The following INPP4A variants were observed in gnomAD, a reference collection of about 807,000 sequenced individuals.
The protein encoded by INPP4A is inositol polyphosphate-4-phosphatase type I A.
INPP4A carries 33 observed loss-of-function variants against 119.8 expected under a neutral mutation model. That is an observed-to-expected ratio of 0.28 (90% CI 0.21 to 0.37). The LOEUF (loss-of-function observed/expected upper bound fraction) is 0.37. Ranked by LOEUF, INPP4A falls within the 10% of genes least tolerant of loss-of-function variation. INPP4A has a pLI of 1.00. For synonymous variants in INPP4A, 496 were observed against 500.7 expected, an observed-to-expected ratio of 0.99 and a Z score of 0.12; for missense variants, 956 against 1,289.9, an observed-to-expected ratio of 0.74 and a Z score of 3.97.
intron 1 of INPP4A, among the ~76,000 whole-genome samples, chr2:98,500,185 C>T (rs559242030): frequency 5.9e-5 from 9 of 152,256 alleles, no homozygotes; most frequent in Non-Finnish European, 1.2e-4. Context: ...AGAGTCCTCA[C>T]GCATGCTTTC....
chr2:98,564,730 C>T lies in INPP4A; in HGVS notation c.2119C>T (p.Leu707=), dbSNP rs1454319002. Residue 707 remains leucine, a synonymous_variant, in exon 19 of 25, where the codon CTG becomes TTG. Transcript: ENST00000409851. ...FLRQLYTIGL[L]AQFESLLSTY... ...GCGCCAGCTCTACACCATCGGGCTG[C>T]TGGCCCAGTTCGAGAGCCTGCTGAG... 12 of 1,602,122 alleles carry T rather than the reference C, an allele frequency of 7.5e-6. No individual in the cohort carries two copies. Among genetic ancestry groups the T allele is most frequent in the Non-Finnish European group, 9.4e-6 (11 of 1,174,578 alleles).
At position 98,566,122 on chromosome 2, in the gene INPP4A, C is replaced by A; in HGVS notation, c.2373C>A (p.Pro791=). 2 of 1,598,950 alleles carry A rather than the reference C, an allele frequency of 1.3e-6. No individual in the cohort carries two copies. Among genetic ancestry groups the A allele is most frequent in the East Asian group, 4.5e-5 (2 of 44,078 alleles). ...GTGGCATGCTGCTGCGAGTGCAGCC[C>A]GTCCTCTTCAACGTGGGCATCAATG... ...IQSGMLLRVQ[P]VLFNVGINEQ... The change falls in exon 21 of 25, where the codon CCC becomes CCA. Residue 791 remains proline (P), a synonymous_variant. Transcript: ENST00000409851. The surrounding 1 kb of genome is among the most constrained non-coding windows in gnomAD (Gnocchi z 4.2).
rs1692529414 is a variant in INPP4A at position 98,546,634 on chromosome 2, A to G, written c.1103A>G (p.Gln368Arg). 6.2e-7 allele frequency: 1 copy of G among 1,613,998 alleles called. No individual in the cohort carries two copies. Among genetic ancestry groups the G allele is most frequent in the Non-Finnish European group, 8.5e-7 (1 of 1,179,832 alleles). The change falls in exon 13 of 25, where the codon CAA becomes CGA. Residue 368 changes from glutamine to arginine, a missense_variant. Physicochemically the swap from Gln to Arg is conservative, Grantham distance 43. Transcript: ENST00000409851. This position sits in a 1 kb window ranked among gnomAD's most constrained non-coding sequence, Gnocchi z 4.2. ...ATTGGGGCGCCAGCAGCACACTGCCAAGGTTTTAAGTCAGGAGGTCTCCGC... is the reference window on the plus strand; with the variant it reads ...ATTGGGGCGCCAGCAGCACACTGCCGAGGTTTTAAGTCAGGAGGTCTCCGC... ...VTIGAPAAHCQGFKSGGLRKK... is the reference protein window; with the variant it reads ...VTIGAPAAHCRGFKSGGLRKK...
At chr2:98,537,722 G>T (rs1290585178) in intron 7 of INPP4A, 141 bp from the exon 8 acceptor site, 5 of 651,246 alleles carry the variant, frequency 7.7e-6, no homozygotes, top group African/African-American at 7.1e-5. Context: ...TGTGTGCACA[G>T]TGAATGCTGA....
chr2:98,489,044 T>G (rs1680154885), intron 1 of INPP4A, among the ~76,000 whole-genome samples: 1 of 151,006 alleles, frequency 6.6e-6, no homozygotes, highest in Non-Finnish European at 1.5e-5. Flanking sequence ...GCCTGTTGCC[T>G]TAGCTCTGTG....
intron 23 of INPP4A, among the ~76,000 whole-genome samples, chr2:98,575,319 C>T (rs1698234104): frequency 6.6e-6 from 1 of 152,244 alleles, no homozygotes; most frequent in Non-Finnish European, 1.5e-5. Flanking sequence ...CTTCCAGAAC[C>T]TCACGTTAGC....
chr2:98,526,385 G>A (rs1042020050), intron 4 of INPP4A, among the ~76,000 whole-genome samples: 3 of 152,096 alleles, frequency 2.0e-5, no homozygotes, highest in African/African-American at 7.2e-5. Flanking sequence ...AATAATGAAG[G>A]TTCATGAAGA....
At chr2:98,543,155 T>C (rs1281720228) in intron 10 of INPP4A, among the ~76,000 whole-genome samples, 1 of 152,108 alleles carries the variant, frequency 6.6e-6, no homozygotes, top group African/African-American at 2.4e-5. Context: ...CTAGCTCCTC[T>C]CTTACATAGA....
chr2:98,550,224 G>C (rs1240424284), intron 13 of INPP4A, among the ~76,000 whole-genome samples: 2 of 152,034 alleles, frequency 1.3e-5, no homozygotes, highest in African/African-American at 2.4e-5. Flanking sequence ...CCATATACAA[G>C]ACTGTCCCTG....
At position 98,569,002 on chromosome 2, in the gene INPP4A, C is replaced by T. The variant is rs551202838; in HGVS notation, c.2518+334C>T. On this transcript the variant is annotated intron_variant, in intron 22 of 24. Coordinates refer to ENST00000409851, the MANE Select transcript of INPP4A (RefSeq NM_001134225.2). The surrounding 1 kb of genome is among the most constrained non-coding windows in gnomAD (Gnocchi z 5.1). Reference sequence around the variant, plus strand: ...GAATCACAGAGGCAGGACCCACCCTCGGCCAGGTGAGCGGCCCACTCACTT... The same window carrying T: ...GAATCACAGAGGCAGGACCCACCCTTGGCCAGGTGAGCGGCCCACTCACTT... 2.9e-4 allele frequency: 61 copies of T among 213,410 alleles called. No homozygotes were observed. Among genetic ancestry groups the T allele is most frequent in the African/African-American group, 1.3e-3 (57 of 43,908 alleles). 13.2% of individuals were successfully genotyped at this position (213,410 alleles called of 1,614,324 possible).
intron 1 of INPP4A, among the ~76,000 whole-genome samples, chr2:98,473,204 A>T (rs1252010085): frequency 0.036 from 1,177 of 32,970 alleles, no homozygotes; most frequent in Middle Eastern, 0.068. Flanking sequence ...GAGTGGAGAG[A>T]GTGGAGGGTA....
chr2:98,536,400 T>C (rs529129277), intron 7 of INPP4A, among the ~76,000 whole-genome samples, 192 bp downstream of exon 7: 6 of 152,084 alleles, frequency 3.9e-5, no homozygotes, highest in Non-Finnish European at 7.4e-5. Context: ...ACTTTTAGCA[T>C]CCATAGGAGA....
Position 98,452,520 on chromosome 2 carries a change from C to T in INPP4A, c.-166+7435C>T, listed in dbSNP as rs145925948. Among the ~76,000 whole-genome samples, 1,139 of 152,234 alleles carry T rather than the reference C, an allele frequency of 7.5e-3. 10 individuals carry two copies. Among genetic ancestry groups the T allele is most frequent in the Non-Finnish European group, 0.01 (702 of 68,010 alleles). On this transcript the variant is annotated intron_variant, in intron 1 of 24. Coordinates refer to ENST00000409851, the MANE Select transcript of INPP4A (RefSeq NM_001134225.2). ...GACAGGGCTGACTTTTCCTGAGGAC[C>T]GGGGAGGAGGTTAGGTCCTAGAATA...
At chr2:98,563,875 G>A (rs1239429073) in intron 18 of INPP4A, among the ~76,000 whole-genome samples, 2 of 151,406 alleles carry the variant, frequency 1.3e-5, no homozygotes, top group African/African-American at 4.9e-5. Context: ...AGAGTCTGCC[G>A]ATTCTGCACC....
Position 98,555,906 on chromosome 2 carries a change from C to G in INPP4A, c.1822+98C>G. 3 of 1,395,252 alleles carry G rather than the reference C, an allele frequency of 2.2e-6. No homozygotes were observed. The South Asian group carries it at 4.2e-5, about 19-fold the overall frequency. The allele number at this position is 1,395,252 out of a possible 1,614,324, so 86.4% of individuals were successfully genotyped here. A position where few individuals can be genotyped will look rare whatever the true frequency, so the allele number is the denominator to read the frequency against. On this transcript the variant is annotated intron_variant, in intron 16 of 24. Coordinates refer to ENST00000409851, the MANE Select transcript of INPP4A (RefSeq NM_001134225.2). Reference sequence around the variant, plus strand: ...TGACTCCATGCCCTCCTCCCCCATGCAGACTGCAGGGAGGGCTGCCAGGTG... The same window carrying G: ...TGACTCCATGCCCTCCTCCCCCATGGAGACTGCAGGGAGGGCTGCCAGGTG...
At chr2:98,584,122 A>G (rs911051350) in intron 24 of INPP4A, among the ~76,000 whole-genome samples, 15 of 152,216 alleles carry the variant, frequency 9.9e-5, no homozygotes, top group Non-Finnish European at 1.8e-4. Context: ...CAGCATGACA[A>G]TAGTCCCTGG....
chr2:98,490,455 G>A (rs1355363047), intron 1 of INPP4A, among the ~76,000 whole-genome samples: 1 of 151,964 alleles, frequency 6.6e-6, no homozygotes, highest in Non-Finnish European at 1.5e-5. Flanking sequence ...ATCCCTCAGC[G>A]GTCTCCTCCA....
chr2:98,528,792 A>G (rs964946385), intron 4 of INPP4A, among the ~76,000 whole-genome samples: 1 of 152,186 alleles, frequency 6.6e-6, no homozygotes. Context: ...AGAATTTTCT[A>G]TTCGGCCAGG....
At chr2:98,581,503 T>C in intron 24 of INPP4A, 4 of 1,408,620 alleles carry the variant, frequency 2.8e-6, no homozygotes, top group Non-Finnish European at 3.8e-6. Flanking sequence ...ATCGCATGTG[T>C]CTTCTTTTTT....
Sources: allele counts gnomAD v4.1 joint callset (sites outside exome capture counted in the v4.1 genomes callset), GRCh38; gene constraint gnomAD v4.1.1; non-coding constraint Gnocchi (gnomAD v3.1); transcripts MANE v1.5; gene names NCBI Gene and HGNC (gene_info 2026-07-23, HGNC 2026-07-21).